PCED1B: variants seen among roughly 807,000 people sequenced by gnomAD.
The protein encoded by PCED1B is PC-esterase domain containing 1B, also known as PC-esterase domain-containing protein 1B.
For synonymous variants in PCED1B, 251 were observed against 246.1 expected (o/e 1.02, Z -0.19); for missense variants, 573 against 573.9 (o/e 1.00, Z 0.02).
chr12:47,169,114 A>G (rs907384003), intron 2 of PCED1B, among the ~76,000 whole-genome samples: 2 of 152,274 alleles, frequency 1.3e-5, no homozygotes, highest in African/African-American at 2.4e-5. Flanking sequence ...TCTGTTTTAC[A>G]TAACACAGAA....
At chr12:47,233,467 G>A (rs941074370) in intron 3 of PCED1B, among the ~76,000 whole-genome samples, 3 of 152,208 alleles carry the variant, frequency 2.0e-5, no homozygotes, top group African/African-American at 7.2e-5. Flanking sequence ...GGAGTGCACC[G>A]GAAAACAGTG....
intron 3 of PCED1B, among the ~76,000 whole-genome samples, chr12:47,230,448 T>C (rs1324631258): frequency 1.3e-5 from 2 of 151,104 alleles, no homozygotes; most frequent in Non-Finnish European, 2.9e-5. Flanking sequence ...ATGACACACT[T>C]TTCCCTTTTT....
intron 2 of PCED1B, among the ~76,000 whole-genome samples, chr12:47,157,931 A>C (rs1365354397): frequency 6.6e-6 from 1 of 152,194 alleles, no homozygotes; most frequent in African/African-American, 2.4e-5. Flanking sequence ...TACTTAACAC[A>C]ATATCCTCAA....
At chr12:47,181,687 T>C (rs990726269) in intron 2 of PCED1B, among the ~76,000 whole-genome samples, 4 of 152,064 alleles carry the variant, frequency 2.6e-5, no homozygotes, top group African/African-American at 9.7e-5. Context: ...CTTTCTAATA[T>C]ATATTAGAAA....
intron 2 of PCED1B, among the ~76,000 whole-genome samples, chr12:47,117,920 G>T (rs977996573): frequency 6.6e-6 from 1 of 152,148 alleles, no homozygotes; most frequent in Non-Finnish European, 1.5e-5. Context: ...TCTCATTGTG[G>T]TTTTGATTTG....
chr12:47,103,666 C>T (rs1938817527), intron 1 of PCED1B, among the ~76,000 whole-genome samples: 1 of 152,168 alleles, frequency 6.6e-6, no homozygotes, highest in Non-Finnish European at 1.5e-5. Flanking sequence ...CCTCTACTTT[C>T]CTCATGCTCT....
intron 2 of PCED1B, among the ~76,000 whole-genome samples, chr12:47,154,810 T>TGC (rs1555142518): frequency 4.0e-5 from 6 of 150,578 alleles, no homozygotes; most frequent in Non-Finnish European, 7.4e-5. Context: ...TGTGTGTGTG[T>TGC]GCATCTTCCT....
At chr12:47,160,293 C>CTTTTT (rs59856338) in intron 2 of PCED1B, among the ~76,000 whole-genome samples, 114 of 69,236 alleles carry the variant, frequency 1.6e-3, no homozygotes, top group Middle Eastern at 0.012. Flanking sequence ...TTTTCTTTTT[C>CTTTTT]TTTTTTTTTT....
intron 1 of PCED1B, among the ~76,000 whole-genome samples, chr12:47,090,572 A>G (rs938714764): frequency 5.9e-5 from 9 of 152,140 alleles, no homozygotes; most frequent in African/African-American, 2.2e-4. Context: ...GAAACAGGAC[A>G]TTACCAGCTC....
intron 2 of PCED1B, among the ~76,000 whole-genome samples, chr12:47,207,863 C>G (rs1264435051): frequency 6.6e-6 from 1 of 152,146 alleles, no homozygotes; most frequent in African/African-American, 2.4e-5. Flanking sequence ...AGCTCCTTCT[C>G]TAGTTTTCTT....
At chr12:47,195,245 C>CT (rs200762806) in intron 2 of PCED1B, among the ~76,000 whole-genome samples, 2,539 of 151,614 alleles carry the variant, frequency 0.017, 34 homozygotes, top group Non-Finnish European at 0.026. Context: ...AGGAGAATCA[C>CT]TTAAACCCAA....
chr12:47,227,566 T>G (rs149413286), intron 3 of PCED1B, among the ~76,000 whole-genome samples: 4 of 152,046 alleles, frequency 2.6e-5, no homozygotes, highest in East Asian at 3.9e-4. Flanking sequence ...TAGAGAAGAA[T>G]AATAAGGCCA....
intron 1 of PCED1B, among the ~76,000 whole-genome samples, chr12:47,086,522 A>G (rs1273807694): frequency 6.6e-6 from 1 of 152,162 alleles, no homozygotes; most frequent in Admixed American, 6.5e-5. Context: ...TTTCTTTGTC[A>G]TAATTATATA....
At chr12:47,171,780 A>T (rs1941743608) in intron 2 of PCED1B, among the ~76,000 whole-genome samples, 1 of 152,112 alleles carries the variant, frequency 6.6e-6, no homozygotes, top group Non-Finnish European at 1.5e-5. Flanking sequence ...GTCCTGTATC[A>T]GTCTAACGTT....
chr12:47,175,104 T>C (rs1316035204), intron 2 of PCED1B, among the ~76,000 whole-genome samples: 1 of 152,204 alleles, frequency 6.6e-6, no homozygotes, highest in Non-Finnish European at 1.5e-5. Flanking sequence ...TTCCTATAAT[T>C]CTGCATTTTT....
At chr12:47,167,968 C>T (rs1471111247) in intron 2 of PCED1B, among the ~76,000 whole-genome samples, 1 of 152,016 alleles carries the variant, frequency 6.6e-6, no homozygotes, top group Non-Finnish European at 1.5e-5. Flanking sequence ...CAAGGAGTAG[C>T]GATGTTGAAA....
intron 2 of PCED1B, among the ~76,000 whole-genome samples, chr12:47,147,626 A>G (rs1380192533): frequency 1.3e-5 from 2 of 152,122 alleles, no homozygotes; most frequent in East Asian, 3.9e-4. Context: ...CTATCTGTCT[A>G]CCATCCATGT....
At chr12:47,101,033 G>T (rs1938682941) in intron 1 of PCED1B, among the ~76,000 whole-genome samples, 1 of 152,002 alleles carries the variant, frequency 6.6e-6, no homozygotes. Flanking sequence ...TCGTGCCTCT[G>T]CACTCCAGCC....
Position 47,236,534 on chromosome 12 carries a change from CTCAT to C in PCED1B, c.*175_*178del, listed in dbSNP as rs1356341735. The stretch of plus-strand genomic sequence containing the variant: ...AGAAAGCCAAGGAAGAGCAGCCTGA[CTCAT>C]TCTTCTTGGCTGCAGCCTCTTCCCC... On this transcript the variant is annotated 3_prime_UTR_variant, in exon 4 of 4. Transcript: ENST00000546455. The C allele has an allele frequency of 1.5e-6, 1 of 669,496 alleles. No homozygotes were observed. The highest frequency in any genetic ancestry group is 2.4e-6 in the Non-Finnish European group (1 of 415,392). 41.5% of individuals were successfully genotyped at this position (669,496 alleles called of 1,614,324 possible). A position where few individuals can be genotyped will look rare whatever the true frequency, so the allele number is the denominator to read the frequency against.
Sources: gnomAD v4.1 joint callset for allele counts (sites outside exome capture counted in the v4.1 genomes callset) on GRCh38, gnomAD v4.1.1 for gene constraint, MANE v1.5 for transcripts, NCBI Gene and HGNC (gene_info 2026-07-23, HGNC 2026-07-21) for gene names.